Variants in OVCH2 observed in about 807,000 individuals in gnomAD.
The protein encoded by OVCH2 is ovochymase 2, also known as ovochymase-2.
Under a neutral mutation model 73.7 loss-of-function variants are expected in OVCH2, and 88 were observed. The observed-to-expected ratio is 1.19, with a 90% confidence interval of 1.01 to 1.43. The LOEUF (loss-of-function observed/expected upper bound fraction) is 1.43. Ranked by LOEUF, OVCH2 falls within the 40% of genes most tolerant of loss-of-function variation. OVCH2 has a pLI of 0.00. For missense variants in OVCH2, 706 were observed against 674.5 expected, an observed-to-expected ratio of 1.05 and a Z score of -0.52; for synonymous variants, 265 against 234.5, an observed-to-expected ratio of 1.13 and a Z score of -1.19.
At chr11:7,687,750 G>A (rs1856158436), downstream of OVCH2, among the ~76,000 whole-genome samples, 1 of 151,984 alleles carries the variant, frequency 6.6e-6, no homozygotes, top group African/African-American at 2.4e-5. Context: ...ACCATTGACT[G>A]GGTGATTTAA....
intron 4 of OVCH2, 57 bp from the exon 5 acceptor site, chr11:7,701,868 G>A (rs778665499): frequency 8.4e-6 from 12 of 1,427,648 alleles, no homozygotes; most frequent in Non-Finnish European, 1.1e-5. Flanking sequence ...GACACTATAA[G>A]CCACTCACCA....
chr11:7,698,772 A>G lies in OVCH2; in HGVS notation c.903T>C (p.Gly301=), dbSNP rs752271233. Residue 301 remains glycine, a splice_region_variant and synonymous_variant, in exon 8 of 16, where the codon GGT becomes GGC. Coordinates refer to ENST00000533663, the MANE Select transcript of OVCH2 (RefSeq NM_198185.7). The part of the protein sequence containing the change: ...LPWIHEHIQT[G]NRRKSSRAWC... ...CACCTCTGGAGCTCTTTCTCCGATT[A>G]CCTGGGAAAGGAAAAGAAGGATGCA... 3.4e-5 allele frequency: 55 copies of G among 1,612,726 alleles called. No individual in the cohort carries two copies. The highest frequency in any genetic ancestry group is 4.5e-5 in the Non-Finnish European group (53 of 1,179,538).
In OVCH2 at chr11:7,706,358, C is replaced by T. The variant is rs780688536; in HGVS notation, c.37G>A (p.Gly13Arg). Residue 13 changes from glycine to arginine, a missense_variant, in exon 1 of 16, where the codon GGA (glycine) becomes AGA (arginine). Transcript: ENST00000533663. Reference sequence around the variant, plus strand: ...TTACCTCGTTCAAAAAAGACTATTCCTAGTAGTAAAATCAGCTTGTTCCTG... The same window carrying T: ...TTACCTCGTTCAAAAAAGACTATTCTTAGTAGTAAAATCAGCTTGTTCCTG... ...ISRNKLILLLGIVFFERGKSA... is the reference protein window; with the variant it reads ...ISRNKLILLLRIVFFERGKSA... The T allele has an allele frequency of 1.9e-6, 3 of 1,587,918 alleles. No homozygotes were observed. The highest frequency in any genetic ancestry group is 2.7e-5 in the African/African-American group (2 of 74,560).
downstream of OVCH2, among the ~76,000 whole-genome samples, chr11:7,688,500 T>C (rs1856167323): frequency 6.6e-6 from 1 of 152,136 alleles, no homozygotes; most frequent in South Asian, 2.1e-4. Context: ...CGGGGCTTCT[T>C]TGCATCATGA....
At chr11:7,700,149 G>C in intron 7 of OVCH2, 147 bp downstream of exon 7, 2 of 741,268 alleles carry the variant, frequency 2.7e-6, no homozygotes, top group Non-Finnish European at 4.3e-6. Context: ...ATTTAGACTT[G>C]GTAAACCTCA....
chr11:7,687,447 C>A (rs1856154931), downstream of OVCH2, among the ~76,000 whole-genome samples: 2 of 152,052 alleles, frequency 1.3e-5, 1 homozygote, highest in South Asian at 4.2e-4. Flanking sequence ...CTCTATGACT[C>A]CTGAAGCCTG....
intron 7 of OVCH2, chr11:7,699,219 C>A (rs1370227428): frequency 6.4e-6 from 1 of 155,840 alleles, no homozygotes; most frequent in Non-Finnish European, 1.4e-5. Context: ...GGATAAAAGC[C>A]TTTTTGAGGT....
chr11:7,694,255 C>T (rs1186421380), intron 12 of OVCH2, among the ~76,000 whole-genome samples: 2 of 152,240 alleles, frequency 1.3e-5, no homozygotes, highest in Non-Finnish European at 2.9e-5. Context: ...TATCTCTCTG[C>T]AGATGGTCCA....
intron 13 of OVCH2, 143 bp from the exon 14 acceptor site, chr11:7,691,543 G>T: frequency 1.8e-6 from 2 of 1,136,096 alleles, no homozygotes; most frequent in South Asian, 1.7e-5. Flanking sequence ...AATAAAGGCA[G>T]CTCACTCCTT....
intron 10 of OVCH2, 22 bp from the exon 11 acceptor site, chr11:7,695,732 T>C: frequency 6.3e-7 from 1 of 1,585,110 alleles, no homozygotes; most frequent in Non-Finnish European, 8.6e-7. Flanking sequence ...GAAAAAAGGA[T>C]TCTTTGTTCA....
intron 2 of OVCH2, 120 bp from the exon 3 acceptor site, chr11:7,703,909 T>C: frequency 2.5e-6 from 2 of 799,256 alleles, no homozygotes; most frequent in Non-Finnish European, 4.1e-6. Flanking sequence ...TCAAGAATCG[T>C]GGACTGTGAA....
intron 3 of OVCH2, among the ~76,000 whole-genome samples, chr11:7,702,825 T>C (rs1274861270): frequency 3.3e-5 from 5 of 152,184 alleles, no homozygotes; most frequent in East Asian, 1.9e-4. Flanking sequence ...GTGGGATGCA[T>C]TGAGATATAT....
chr11:7,679,494 A>C, the OVCH2 span, among the ~76,000 whole-genome samples: 1 of 152,162 alleles, frequency 6.6e-6, no homozygotes, highest in Non-Finnish European at 1.5e-5. Flanking sequence ...TGTTCTCATA[A>C]TAGTGAGTGA....
At chr11:7,703,859 C>G in intron 2 of OVCH2, 70 bp from the exon 3 acceptor site, 1 of 1,231,974 alleles carries the variant, frequency 8.1e-7, no homozygotes, top group Non-Finnish European at 1.2e-6. Flanking sequence ...GTGATGAAGC[C>G]TATTCTCAAA....
At chr11:7,691,566 G>A (rs2136150818) in intron 13 of OVCH2, among the ~76,000 whole-genome samples, 166 bp from the exon 14 acceptor site, 1 of 152,290 alleles carries the variant, frequency 6.6e-6, no homozygotes, top group Admixed American at 6.5e-5. Flanking sequence ...TTAACCCCAT[G>A]ACATTTCAAT....
chr11:7,693,886 G>A (rs1856269002), intron 12 of OVCH2, among the ~76,000 whole-genome samples: 1 of 152,138 alleles, frequency 6.6e-6, no homozygotes, highest in Non-Finnish European at 1.5e-5. Flanking sequence ...GTGTGGGGTG[G>A]GGACTGGACA....
intron 6 of OVCH2, 105 bp downstream of exon 6, chr11:7,701,219 G>A: frequency 2.9e-6 from 4 of 1,365,888 alleles, no homozygotes; most frequent in Non-Finnish European, 1.9e-6. Context: ...CCTCCAATAT[G>A]CTTTCTAATT....
intron 8 of OVCH2, among the ~76,000 whole-genome samples, chr11:7,697,410 C>A (rs1024936619): frequency 2.0e-5 from 3 of 152,184 alleles, no homozygotes; most frequent in African/African-American, 7.2e-5. Flanking sequence ...TAGCCTTCGT[C>A]CTCATCTGCT....
At chr11:7,683,434 C>T in the OVCH2 span, among the ~76,000 whole-genome samples, 1 of 152,174 alleles carries the variant, frequency 6.6e-6, no homozygotes, top group Non-Finnish European at 1.5e-5. Context: ...CAGAATCTGA[C>T]TTACCACTTC....
Sources: allele counts gnomAD v4.1 joint callset (sites outside exome capture counted in the v4.1 genomes callset), GRCh38; gene constraint gnomAD v4.1.1; transcripts MANE v1.5; gene names NCBI Gene and HGNC (gene_info 2026-07-23, HGNC 2026-07-21).